The following METTL9 variants were observed in gnomAD, a reference collection of about 807,000 sequenced individuals.
METTL9 encodes protein-L-histidine N-pros-methyltransferase.
METTL9 carries 10 observed loss-of-function variants against 36.0 expected under a neutral mutation model. That is an observed-to-expected ratio of 0.28 (90% confidence interval 0.17 to 0.47). The LOEUF (loss-of-function observed/expected upper bound fraction) is 0.47, where lower values mean the gene tolerates loss of function less well. METTL9 is among the 20% of genes least tolerant of loss of function. The pLI is 0.99. For synonymous variants in METTL9, 175 were observed against 149.7 expected, an observed-to-expected ratio of 1.17 and a Z score of -1.23; for missense variants, 246 against 383.5, an observed-to-expected ratio of 0.64 and a Z score of 3.00.
intron 4 of METTL9, chr16:21,627,107 C>G: frequency 2.0e-6 from 2 of 985,296 alleles, no homozygotes; most frequent in Non-Finnish European, 2.4e-6. Flanking sequence ...TTTTAGTGAC[C>G]TATAAATTTT....
At chr16:21,628,754 C>T (rs1567335790) in intron 4 of METTL9, among the ~76,000 whole-genome samples, 1 of 152,086 alleles carries the variant, frequency 6.6e-6, no homozygotes, top group East Asian at 1.9e-4. Context: ...CCTTCGCCTC[C>T]CAGCGTGTTG....
At position 21,656,501 on chromosome 16, in the gene METTL9, C is replaced by T. The variant is rs573685032; in HGVS notation, c.*1069C>T. ...TTCTGGAATCCGTGAGTGCCTCCAA[C>T]CATAAACCCAGAAATGCTGCCATAG... On this transcript the variant is annotated 3_prime_UTR_variant, in exon 5 of 5. Coordinates refer to ENST00000358154, the MANE Select transcript of METTL9 (RefSeq NM_016025.5). 2 of 152,244 alleles carry T rather than the reference C, an allele frequency of 1.3e-5. No individual in the cohort carries two copies. Among genetic ancestry groups the T allele is most frequent in the Admixed American group, 6.5e-5 (1 of 15,294 alleles). The allele number at this position is 152,244 out of a possible 1,614,324, so 9.4% of individuals were successfully genotyped here.
At position 21,627,147 on chromosome 16, in the gene METTL9, T is replaced by A. The variant is rs3743703; in HGVS notation, c.751+2032T>A. The A allele has an allele frequency of 2.2e-3, 2,195 of 985,358 alleles. 72 individuals are homozygous for A. In the East Asian group the frequency reaches 0.085, roughly 38 times the overall value. 61.0% of individuals were successfully genotyped at this position (985,358 alleles called of 1,614,324 possible). On this transcript the variant is annotated intron_variant, in intron 4 of 4. Coordinates refer to ENST00000358154, the MANE Select transcript of METTL9 (RefSeq NM_016025.5). ...GCGCGCCACGGCACTCTATTATTGC[T>A]TTCTTTCTCTGAGTCACTAATTAGA...
At chr16:21,611,789 C>T (rs958833069) in intron 1 of METTL9, among the ~76,000 whole-genome samples, 3 of 152,148 alleles carry the variant, frequency 2.0e-5, no homozygotes, top group Non-Finnish European at 4.4e-5. Context: ...GTGGGGCTGA[C>T]GCTAAAGCTG....
upstream of METTL9, chr16:21,597,276 C>T (rs1413433647): frequency 2.3e-6 from 3 of 1,289,028 alleles, no homozygotes; most frequent in Non-Finnish European, 3.0e-6. Context: ...AGACCACGAG[C>T]TGGGATACCA....
intron 4 of METTL9, among the ~76,000 whole-genome samples, chr16:21,635,020 A>G (rs1456509305): frequency 2.0e-5 from 3 of 152,082 alleles, no homozygotes; most frequent in Non-Finnish European, 2.9e-5. Flanking sequence ...GCTGTCATTT[A>G]CTTGACTAGG....
chr16:21,636,642 C>T (rs8048349), intron 4 of METTL9, among the ~76,000 whole-genome samples: 5,100 of 152,256 alleles, frequency 0.033, 303 homozygotes, highest in African/African-American at 0.11. Flanking sequence ...TCCTCTCTGT[C>T]GACCCTCGGT....
At chr16:21,647,020 A>G in intron 4 of METTL9, 1 of 1,346,890 alleles carries the variant, frequency 7.4e-7, no homozygotes, top group Non-Finnish European at 1.1e-6. Context: ...ATCACTGGCT[A>G]GGGTATTAAC....
At chr16:21,622,569 T>C (rs965172137) in intron 3 of METTL9, among the ~76,000 whole-genome samples, 9 of 152,238 alleles carry the variant, frequency 5.9e-5, no homozygotes, top group African/African-American at 2.2e-4. Context: ...AAAGGAAAAT[T>C]CTGACAACTT....
chr16:21,610,315 A>G (rs1965397812), intron 1 of METTL9, among the ~76,000 whole-genome samples: 1 of 152,232 alleles, frequency 6.6e-6, no homozygotes, highest in South Asian at 2.1e-4. Flanking sequence ...ATGCTGGAGC[A>G]TGAAGCAGTG....
At chr16:21,652,696 T>C (rs1966610301) in intron 4 of METTL9, 2 of 834,916 alleles carry the variant, frequency 2.4e-6, no homozygotes, top group African/African-American at 3.4e-5. Context: ...GAACCTCTTA[T>C]GAAGGAACCA....
intron 4 of METTL9, among the ~76,000 whole-genome samples, chr16:21,649,916 C>T (rs1180917443): frequency 6.6e-6 from 1 of 152,040 alleles, no homozygotes; most frequent in Non-Finnish European, 1.5e-5. Context: ...GCGATGTTGG[C>T]CAGCCTGGTC....
Position 21,620,299 on chromosome 16 carries a change from T to G in METTL9, c.566+2225T>G, listed in dbSNP as rs73545896. On this transcript the variant is annotated intron_variant, in intron 3 of 4. Coordinates refer to ENST00000358154, the MANE Select transcript of METTL9 (RefSeq NM_016025.5). The stretch of plus-strand genomic sequence containing the variant: ...TAGCAAGCTGTCTCAGATAAGGTTC[T>G]GGTGGGTCTGCATGGTGATAATTGA... Among the ~76,000 whole-genome samples, 536 of 152,344 alleles carry G rather than the reference T, an allele frequency of 3.5e-3. 4 individuals carry two copies. Among genetic ancestry groups the G allele is most frequent in the African/African-American group, 0.012 (519 of 41,574 alleles).
chr16:21,597,333 G>A (rs753597751), upstream of METTL9: 82 of 1,270,636 alleles, frequency 6.5e-5, no homozygotes, highest in African/African-American at 5.5e-4. Flanking sequence ...CTACCTTCAG[G>A]CAAATCATTT....
intron 2 of METTL9, 95 bp from the exon 3 acceptor site, chr16:21,617,770 T>G: frequency 9.3e-7 from 1 of 1,080,320 alleles, no homozygotes; most frequent in Non-Finnish European, 1.4e-6. Flanking sequence ...TGATTATGGT[T>G]GTTGGTGCTG....
chr16:21,645,262 G>T (rs1431447534), intron 4 of METTL9, among the ~76,000 whole-genome samples: 1 of 152,130 alleles, frequency 6.6e-6, no homozygotes, highest in Non-Finnish European at 1.5e-5. Context: ...ACACCAGCCT[G>T]GCCAACATGG....
chr16:21,643,485 C>G, intron 4 of METTL9: 2 of 1,049,838 alleles, frequency 1.9e-6, no homozygotes, highest in Non-Finnish European at 2.8e-6. Context: ...AAAAATATTT[C>G]AGTTTTGAAA....
At position 21,657,413 on chromosome 16, in the gene METTL9, C is replaced by G. The variant is rs190137102; in HGVS notation, c.*1981C>G. 2.0e-5 allele frequency: 3 copies of G among 151,974 alleles called. No homozygotes were observed. The highest frequency in any genetic ancestry group is 4.4e-5 in the Non-Finnish European group (3 of 68,022). The allele number at this position is 151,974 out of a possible 1,614,324, so 9.4% of individuals were successfully genotyped here. A position where few individuals can be genotyped will look rare whatever the true frequency, so the allele number is the denominator to read the frequency against. Reference sequence around the variant, plus strand: ...ACTGAGTGTCAATGGCTTTTTTCCCCGTAAATGGAATCATGTTTTTCTCCC... The same window carrying G: ...ACTGAGTGTCAATGGCTTTTTTCCCGGTAAATGGAATCATGTTTTTCTCCC... On this transcript the variant is annotated 3_prime_UTR_variant, in exon 5 of 5. Transcript: ENST00000358154.
chr16:21,643,518 A>G (rs766059910), intron 4 of METTL9: 4 of 1,417,260 alleles, frequency 2.8e-6, no homozygotes, highest in Non-Finnish European at 3.9e-6. Flanking sequence ...GCCACAATTT[A>G]AAAAATATTT....
Sources: gnomAD v4.1 joint callset for allele counts (sites outside exome capture counted in the v4.1 genomes callset) on GRCh38, gnomAD v4.1.1 for gene constraint, MANE v1.5 for transcripts, NCBI Gene and HGNC (gene_info 2026-07-23, HGNC 2026-07-21) for gene names.